YWHAG: variants seen among roughly 807,000 people sequenced by gnomAD.
The protein encoded by YWHAG is 14-3-3 protein gamma.
In YWHAG, 1 loss-of-function variant was observed where a neutral mutation model predicts 23.3. The ratio of observed to expected loss-of-function variants is 0.04; its 90% CI spans 0.02 to 0.20. The LOEUF (loss-of-function observed/expected upper bound fraction) is 0.20, where lower values mean the gene tolerates loss of function less well. Ranked by LOEUF, YWHAG falls within the 10% of genes least tolerant of loss-of-function variation. The probability of loss-of-function intolerance (pLI) is 1.00; values close to 1 mark genes in which losing one functional copy is unlikely to be tolerated. For synonymous variants in YWHAG, 160 were observed against 144.0 expected (o/e 1.11, Z -0.80); for missense variants, 151 against 338.6 (o/e 0.45, Z 4.35).
intron 1 of YWHAG, among the ~76,000 whole-genome samples, chr7:76,343,607 C>T (rs1803732139): frequency 6.6e-6 from 1 of 152,198 alleles, no homozygotes; most frequent in Non-Finnish European, 1.5e-5. Flanking sequence ...TTCTGTCATT[C>T]CTTCCACCCA....
At chr7:76,358,604 G>A in intron 1 of YWHAG, 118 bp downstream of exon 1, 5 of 1,030,074 alleles carry the variant, frequency 4.9e-6, no homozygotes, top group Non-Finnish European at 6.9e-6. Context: ...CCCTCAGTGA[G>A]CGAGACGGGG....
At chr7:76,352,429 G>C (rs1237615688) in intron 1 of YWHAG, among the ~76,000 whole-genome samples, 1 of 151,990 alleles carries the variant, frequency 6.6e-6, no homozygotes, top group Non-Finnish European at 1.5e-5. Flanking sequence ...TGTTCAGCTG[G>C]CCACTGCTGT....
intron 1 of YWHAG, among the ~76,000 whole-genome samples, chr7:76,342,167 C>T (rs1563665392): frequency 6.6e-6 from 1 of 151,766 alleles, no homozygotes; most frequent in Non-Finnish European, 1.5e-5. Flanking sequence ...AAAAGGTGAA[C>T]GAAAGGGCTT....
Position 76,358,932 on chromosome 7 carries a change from G to T in YWHAG, c.-124C>A, listed in dbSNP as rs1436845574. 7.8e-6 allele frequency: 7 copies of T among 900,072 alleles called. No homozygotes were observed. The highest frequency in any genetic ancestry group is 1.1e-5 in the Non-Finnish European group (7 of 652,420). The allele number at this position is 900,072 out of a possible 1,614,324, so 55.8% of individuals were successfully genotyped here. ...ACCCACAGAGCGAGCAGCTGAGGCGGCGGCTGCGCGGAGGAGGCGGCTGGA... is the reference window on the plus strand; with the variant it reads ...ACCCACAGAGCGAGCAGCTGAGGCGTCGGCTGCGCGGAGGAGGCGGCTGGA... On this transcript the variant is annotated 5_prime_UTR_variant, in exon 1 of 2. Coordinates refer to ENST00000307630, the MANE Select transcript of YWHAG (RefSeq NM_012479.4).
intron 1 of YWHAG, among the ~76,000 whole-genome samples, chr7:76,354,398 CT>C (rs1032997632): frequency 2.0e-5 from 3 of 152,032 alleles, no homozygotes; most frequent in Admixed American, 6.6e-5. Context: ...GTAATCCCAG[CT>C]ACTTGGGAGG....
chr7:76,343,095 C>T (rs1332916595), intron 1 of YWHAG, among the ~76,000 whole-genome samples: 1 of 152,078 alleles, frequency 6.6e-6, no homozygotes, highest in African/African-American at 2.4e-5. Context: ...CAAGATTGCA[C>T]CATTGCACTC....
At chr7:76,347,624 C>A (rs1254225719) in intron 1 of YWHAG, among the ~76,000 whole-genome samples, 1 of 151,994 alleles carries the variant, frequency 6.6e-6, no homozygotes, top group Non-Finnish European at 1.5e-5. Flanking sequence ...CAAATGTCTA[C>A]GAAAATATCT....
Position 76,333,274 on chromosome 7 carries a change from A to T in YWHAG, c.88-3041T>A, listed in dbSNP as rs551263321. Among the ~76,000 whole-genome samples the T allele has an allele frequency of 2.0e-5, 3 of 151,924 alleles. No homozygotes were observed. In the South Asian group the frequency reaches 6.2e-4, roughly 32 times the overall value. ...TGTGAGCCACTGCATCCAGCCATTTAAAAATTTTTAGTAGAGACAAGGTCT... is the reference window on the plus strand; with the variant it reads ...TGTGAGCCACTGCATCCAGCCATTTTAAAATTTTTAGTAGAGACAAGGTCT... On this transcript the variant is annotated intron_variant, in intron 1 of 1. Transcript: ENST00000307630.
chr7:76,331,483 A>G (rs904021445), intron 1 of YWHAG, among the ~76,000 whole-genome samples: 19 of 152,146 alleles, frequency 1.2e-4, no homozygotes, highest in Non-Finnish European at 2.6e-4. Context: ...GTAGCCCAGG[A>G]TGGCTTTGAA....
chr7:76,354,308 C>T (rs1254175244), intron 1 of YWHAG, among the ~76,000 whole-genome samples: 2 of 151,990 alleles, frequency 1.3e-5, no homozygotes, highest in Non-Finnish European at 2.9e-5. Context: ...GTCAGGAGTT[C>T]GAGCTCAGCC....
intron 1 of YWHAG, 120 bp from the exon 2 acceptor site, chr7:76,330,353 TTGTG>T (rs1803525003): frequency 3.6e-6 from 4 of 1,109,880 alleles, no homozygotes; most frequent in South Asian, 1.6e-5. Context: ...GGAAATTACT[TTGTG>T]TGGGCTGGGG....
At chr7:76,350,342 T>C (rs944711034) in intron 1 of YWHAG, among the ~76,000 whole-genome samples, 2 of 152,216 alleles carry the variant, frequency 1.3e-5, no homozygotes, top group African/African-American at 4.8e-5. Flanking sequence ...TTCAAAACTT[T>C]CAAGGTCCTG....
Position 76,328,000 on chromosome 7 carries a change from C to T in YWHAG, c.*1577G>A, listed in dbSNP as rs576145850. On this transcript the variant is annotated 3_prime_UTR_variant, in exon 2 of 2. Transcript: ENST00000307630. ...CTGTCAGTTTTTCCTCAATTACTCA[C>T]ACCTCTTCTTGCCTAAATAAAACAA... 1 of 152,226 alleles carries T rather than the reference C, an allele frequency of 6.6e-6. No individual in the cohort carries two copies. Among genetic ancestry groups the T allele is most frequent in the South Asian group, 2.1e-4 (1 of 4,820 alleles). The allele number at this position is 152,226 out of a possible 1,614,324, so 9.4% of individuals were successfully genotyped here.
At chr7:76,351,375 CCTTT>C (rs1477815130) in intron 1 of YWHAG, among the ~76,000 whole-genome samples, 2 of 111,586 alleles carry the variant, frequency 1.8e-5, no homozygotes, top group Admixed American at 9.0e-5. Flanking sequence ...ATTCTTCTCG[CCTTT>C]CTGAGTAGGG....
chr7:76,343,149 T>A (rs1440772556), intron 1 of YWHAG, among the ~76,000 whole-genome samples: 1 of 151,912 alleles, frequency 6.6e-6, no homozygotes, highest in Admixed American at 6.6e-5. Flanking sequence ...GAAAAAAAAT[T>A]AGGTTGTTAT....
chr7:76,335,937 G>T (rs1195905251), intron 1 of YWHAG, among the ~76,000 whole-genome samples: 1 of 152,086 alleles, frequency 6.6e-6, no homozygotes, highest in East Asian at 1.9e-4. Context: ...GCAACAGAGC[G>T]ATCTGTCCGC....
intron 1 of YWHAG, among the ~76,000 whole-genome samples, chr7:76,358,191 G>T (rs895989146): frequency 6.6e-6 from 1 of 152,196 alleles, no homozygotes; most frequent in Admixed American, 6.5e-5. Flanking sequence ...AATGTTTCTG[G>T]GAAGATTCTC....
chr7:76,335,966 A>C (rs565174610), intron 1 of YWHAG, among the ~76,000 whole-genome samples: 65 of 152,110 alleles, frequency 4.3e-4, no homozygotes, highest in East Asian at 2.9e-3. Flanking sequence ...CACACCCCCC[A>C]AAAAAAAGTT....
In YWHAG at chr7:76,329,844, C is replaced by G; in HGVS notation, c.477G>C (p.Glu159Asp). 6.2e-7 allele frequency: 1 copy of G among 1,613,988 alleles called. No homozygotes were observed. The highest frequency in any genetic ancestry group is 2.2e-5 in the East Asian group (1 of 44,868). Residue 159 changes from glutamate to aspartate, a missense_variant, in exon 2 of 2, where the codon GAG becomes GAC. Transcript: ENST00000307630. This position sits in a 1 kb window ranked among gnomAD's most constrained non-coding sequence, Gnocchi z 6.1. ...SSEKAYSEAH[E>D]ISKEHMQPTH... ...TGGGCTGCATGTGCTCTTTGCTGAT[C>G]TCGTGGGCTTCGCTGTAGGCCTTCT...
Sources: allele counts gnomAD v4.1 joint callset (sites outside exome capture counted in the v4.1 genomes callset), GRCh38; gene constraint gnomAD v4.1.1; non-coding constraint Gnocchi (gnomAD v3.1); transcripts MANE v1.5; gene names NCBI Gene and HGNC (gene_info 2026-07-23, HGNC 2026-07-21).